Variants in TMEM120B observed in about 807,000 individuals in gnomAD.
TMEM120B encodes transmembrane protein 120B.
Under a neutral mutation model 55.5 loss-of-function variants are expected in TMEM120B, and 31 were observed. The ratio of observed to expected loss-of-function variants is 0.56; its 90% CI spans 0.42 to 0.75. TMEM120B has a LOEUF of 0.75. Ranked by LOEUF, TMEM120B falls within the 30% of genes least tolerant of loss-of-function variation. TMEM120B has a pLI of 0.00. For missense variants in TMEM120B, 399 were observed against 425.5 expected, an observed-to-expected ratio of 0.94 and a Z score of 0.55; for synonymous variants, 203 against 176.3, an observed-to-expected ratio of 1.15 and a Z score of -1.20.
chr12:121,764,611 T>A (rs1241545956), intron 6 of TMEM120B, among the ~76,000 whole-genome samples: 1 of 151,900 alleles, frequency 6.6e-6, no homozygotes, highest in Non-Finnish European at 1.5e-5. Context: ...CCCAGGAGGT[T>A]GAGGCCACTG....
At position 121,780,763 on chromosome 12, in the gene TMEM120B, G is replaced by C. The variant is rs1874420065; in HGVS notation, c.*5041G>C. 4.0e-6 allele frequency: 5 copies of C among 1,251,126 alleles called. No homozygotes were observed. Among genetic ancestry groups the C allele is most frequent in the Admixed American group, 2.5e-5 (1 of 39,638 alleles). 77.5% of individuals were successfully genotyped at this position (1,251,126 alleles called of 1,614,324 possible). On this transcript the variant is annotated 3_prime_UTR_variant, in exon 12 of 12. Transcript: ENST00000449592. The stretch of plus-strand genomic sequence containing the variant: ...AGTTAAAAATTATTCTTAGAATCTT[G>C]CTTCCCTCAGCTCCCTGAAAGGCCA...
chr12:121,774,771 A>G, intron 10 of TMEM120B, 49 bp downstream of exon 10: 1 of 1,591,878 alleles, frequency 6.3e-7, no homozygotes, highest in South Asian at 1.1e-5. Context: ...GCTGACCCCC[A>G]GGAACAGAAG....
intron 1 of TMEM120B, among the ~76,000 whole-genome samples, chr12:121,725,079 A>G (rs1250103753): frequency 6.6e-6 from 1 of 152,044 alleles, no homozygotes; most frequent in African/African-American, 2.4e-5. Flanking sequence ...CTTACTGCCA[A>G]TGTTTTCCTT....
chr12:121,729,905 A>T (rs1894964826), intron 1 of TMEM120B, among the ~76,000 whole-genome samples: 1 of 152,166 alleles, frequency 6.6e-6, no homozygotes, highest in Non-Finnish European at 1.5e-5. Context: ...TCCATCCATC[A>T]GTGGAGGCGT....
At chr12:121,728,193 G>A (rs1026140635) in intron 1 of TMEM120B, among the ~76,000 whole-genome samples, 1 of 151,512 alleles carries the variant, frequency 6.6e-6, no homozygotes, top group Non-Finnish European at 1.5e-5. Context: ...TTTTTAGTAG[G>A]GAATGGGTTT....
chr12:121,775,614 C>T lies in TMEM120B; in HGVS notation c.912C>T (p.Phe304=), dbSNP rs371820277. 8.7e-6 allele frequency: 14 copies of T among 1,613,434 alleles called. No homozygotes were observed. The highest frequency in any genetic ancestry group is 6.7e-5 in the African/African-American group (5 of 75,020). ...TCCTCTCTGGACTCCCCCAGGTGTT[C>T]GTACTGGCGTTCACCTTCCTCATCC... ...SHEECREWQV[F]VLAFTFLILF... The change falls in exon 12 of 12, where the codon TTC becomes TTT. Residue 304 remains phenylalanine (F), a synonymous_variant. Transcript: ENST00000449592. This position sits in a 1 kb window ranked among gnomAD's most constrained non-coding sequence, Gnocchi z 4.3.
At chr12:121,771,874 A>G (rs1453310882) in intron 8 of TMEM120B, among the ~76,000 whole-genome samples, 2 of 152,068 alleles carry the variant, frequency 1.3e-5, no homozygotes, top group African/African-American at 4.8e-5. Context: ...TATTTTTCTC[A>G]TCTGAAAATT....
At chr12:121,743,897 GT>G (rs1315666055) in intron 2 of TMEM120B, 150 bp downstream of exon 2, 2 of 611,294 alleles carry the variant, frequency 3.3e-6, no homozygotes, top group Admixed American at 2.9e-5. Flanking sequence ...GTCAAAGGGT[GT>G]TTTGGGGCAT....
intron 6 of TMEM120B, among the ~76,000 whole-genome samples, chr12:121,766,171 A>T (rs1355953938): frequency 6.6e-6 from 1 of 151,990 alleles, no homozygotes; most frequent in Admixed American, 6.6e-5. Flanking sequence ...TGAGATTTGA[A>T]TTGGGACAGG....
intron 2 of TMEM120B, among the ~76,000 whole-genome samples, 160 bp downstream of exon 2, chr12:121,743,907 A>G (rs984020278): frequency 4.5e-4 from 69 of 152,098 alleles, no homozygotes; most frequent in African/African-American, 1.7e-3. Context: ...GTTTTGGGGC[A>G]TGTATTTTTC....
At chr12:121,716,744 G>A (rs866840874) in intron 1 of TMEM120B, among the ~76,000 whole-genome samples, 3 of 151,788 alleles carry the variant, frequency 2.0e-5, no homozygotes, top group Admixed American at 6.6e-5. Context: ...TATATTTTTA[G>A]CAGAGACAGG....
At chr12:121,757,415 C>G (rs1222656225) in intron 5 of TMEM120B, among the ~76,000 whole-genome samples, 2 of 152,098 alleles carry the variant, frequency 1.3e-5, no homozygotes, top group Admixed American at 1.3e-4. Context: ...GATCTTGGCT[C>G]ACTGCAAGCT....
intron 1 of TMEM120B, among the ~76,000 whole-genome samples, chr12:121,727,536 C>CAAAAA (rs758470408): frequency 5.6e-5 from 2 of 35,860 alleles, no homozygotes; most frequent in Non-Finnish European, 1.1e-4. Flanking sequence ...GACCCTGTCT[C>CAAAAA]AAAAAAAAAA....
rs765919657 is a variant in TMEM120B at position 121,779,532 on chromosome 12, C to T, written c.*3810C>T. ...CAGGCAGAGCCGGCGCTTCTTCTGC[C>T]GTTGCGCCTTCTTCAGAGCGCTGAG... On this transcript the variant is annotated 3_prime_UTR_variant, in exon 12 of 12. Transcript: ENST00000449592. 1.2e-5 allele frequency: 20 copies of T among 1,612,904 alleles called. No individual in the cohort carries two copies. The highest frequency in any genetic ancestry group is 1.6e-4 in the Middle Eastern group (1 of 6,062).
At chr12:121,763,698 C>T (rs1476728417) in intron 6 of TMEM120B, among the ~76,000 whole-genome samples, 1 of 152,178 alleles carries the variant, frequency 6.6e-6, no homozygotes, top group Non-Finnish European at 1.5e-5. Flanking sequence ...CCTCCTTGGC[C>T]TCCCAAAGTG....
At chr12:121,767,350 C>T (rs532862095) in intron 6 of TMEM120B, among the ~76,000 whole-genome samples, 21 of 152,204 alleles carry the variant, frequency 1.4e-4, no homozygotes, top group South Asian at 2.1e-4. Context: ...TTAGTAGAGA[C>T]GGGGTTTCAC....
chr12:121,776,106 CCTG>C lies in TMEM120B; in HGVS notation c.*387_*389del. 2.0e-6 allele frequency: 1 copy of C among 488,578 alleles called. No homozygotes were observed. The allele number at this position is 488,578 out of a possible 1,614,324, so 30.3% of individuals were successfully genotyped here. ...CCTCGCGGGGTTGGATTTATGCTGA[CCTG>C]CTACTTACCAGGCCCAGGCTGGGGT... On this transcript the variant is annotated 3_prime_UTR_variant, in exon 12 of 12. Transcript: ENST00000449592.
intron 7 of TMEM120B, 115 bp downstream of exon 7, chr12:121,771,087 G>T (rs1191439146): frequency 5.3e-6 from 6 of 1,140,988 alleles, no homozygotes; most frequent in Non-Finnish European, 7.7e-6. Context: ...GGGCCAACTT[G>T]GGAAAGAAAG....
chr12:121,771,220 C>T (rs542469949), intron 7 of TMEM120B, among the ~76,000 whole-genome samples: 3 of 152,110 alleles, frequency 2.0e-5, no homozygotes, highest in Non-Finnish European at 2.9e-5. Flanking sequence ...CTGGAGGGAG[C>T]GAGTGAGGCT....
Sources: allele counts gnomAD v4.1 joint callset (sites outside exome capture counted in the v4.1 genomes callset), GRCh38; gene constraint gnomAD v4.1.1; non-coding constraint Gnocchi (gnomAD v3.1); transcripts MANE v1.5; gene names NCBI Gene and HGNC (gene_info 2026-07-23, HGNC 2026-07-21).